The following CADM2 variants were observed in gnomAD, a reference collection of about 807,000 sequenced individuals.
CADM2 encodes the protein immunoglobulin superfamily member 4D.
Under a neutral mutation model 49.8 loss-of-function variants are expected in CADM2, and 12 were observed. The ratio of observed to expected loss-of-function variants is 0.24; its 90% CI spans 0.15 to 0.39. CADM2 has a LOEUF of 0.39. CADM2 is among the 10% of genes least tolerant of loss of function. CADM2 has a pLI of 1.00. For synonymous variants in CADM2, 214 were observed against 175.4 expected (o/e 1.22, Z -1.74); for missense variants, 378 against 492.3 (o/e 0.77, Z 2.20).
intron 1 of CADM2, among the ~76,000 whole-genome samples, chr3:85,256,895 T>A (rs1209601695): frequency 6.6e-6 from 1 of 152,130 alleles, no homozygotes; most frequent in Non-Finnish European, 1.5e-5. Context: ...GAAATGAAGA[T>A]ACATTTGTGT....
At chr3:85,850,022 A>G (rs1193356972) in intron 3 of CADM2, among the ~76,000 whole-genome samples, 1 of 152,204 alleles carries the variant, frequency 6.6e-6, no homozygotes, top group East Asian at 1.9e-4. Context: ...AAAAGGAATG[A>G]AAACTTAGTA....
intron 1 of CADM2, among the ~76,000 whole-genome samples, chr3:85,371,153 T>G (rs2033200106): frequency 6.6e-6 from 1 of 151,922 alleles, no homozygotes. Flanking sequence ...GATAGAAAAT[T>G]TTTTATATAA....
chr3:85,754,075 G>A (rs773489207), intron 2 of CADM2, among the ~76,000 whole-genome samples: 6 of 152,166 alleles, frequency 3.9e-5, no homozygotes, highest in African/African-American at 9.7e-5. Context: ...TGCACGTGTC[G>A]TGTGTTTACT....
At chr3:86,032,414 T>C (rs935040215) in intron 8 of CADM2, among the ~76,000 whole-genome samples, 6 of 151,812 alleles carry the variant, frequency 4.0e-5, no homozygotes, top group Non-Finnish European at 8.9e-5. Flanking sequence ...GGATAAAGGG[T>C]TCTTTTGTGT....
At chr3:85,035,412 A>T (rs4856559) in intron 1 of CADM2, among the ~76,000 whole-genome samples, 1 of 152,006 alleles carries the variant, frequency 6.6e-6, no homozygotes, top group Non-Finnish European at 1.5e-5. Flanking sequence ...CTATGCAGAA[A>T]TTTTTTGACT....
chr3:85,064,475 G>A (rs2107454724), intron 1 of CADM2, among the ~76,000 whole-genome samples: 1 of 152,114 alleles, frequency 6.6e-6, no homozygotes, highest in South Asian at 2.1e-4. Context: ...GGAATCTTGT[G>A]TACATAAAAT....
intron 1 of CADM2, among the ~76,000 whole-genome samples, chr3:85,034,313 A>G (rs887463120): frequency 6.6e-6 from 1 of 150,990 alleles, no homozygotes; most frequent in Non-Finnish European, 1.5e-5. Context: ...TAATGAGTTC[A>G]GTTGTTTTCA....
Position 85,638,272 on chromosome 3 carries a change from A to G in CADM2, c.62-88250A>G, listed in dbSNP as rs79102343. ...TGCATGAATTTCAAAGTACTTTGAA[A>G]GAGTTTTATATTATGAATAAATAAA... On this transcript the variant is annotated intron_variant, in intron 1 of 9. Coordinates refer to ENST00000383699, the MANE Select transcript of CADM2 (RefSeq NM_001167675.2). Among the ~76,000 whole-genome samples the G allele has an allele frequency of 1.4e-3, 218 of 152,306 alleles. 1 individual carries two copies. The highest frequency in any genetic ancestry group is 5.1e-3 in the African/African-American group (210 of 41,572).
intron 2 of CADM2, among the ~76,000 whole-genome samples, chr3:85,783,695 T>A (rs1250683022): frequency 6.6e-6 from 1 of 152,206 alleles, no homozygotes; most frequent in Non-Finnish European, 1.5e-5. Context: ...GTATTATAAA[T>A]TATGAGTTTG....
chr3:85,322,455 C>A, intron 1 of CADM2, among the ~76,000 whole-genome samples: 1 of 152,172 alleles, frequency 6.6e-6, no homozygotes, highest in Admixed American at 6.6e-5. Flanking sequence ...AAGAAATCTA[C>A]ACCTTTGGTG....
chr3:85,576,271 G>C (rs1015746933), intron 1 of CADM2, among the ~76,000 whole-genome samples: 2 of 152,146 alleles, frequency 1.3e-5, no homozygotes, highest in Admixed American at 6.6e-5. Flanking sequence ...AGGCAAGGCT[G>C]CCATCTAGTG....
At chr3:85,651,340 T>A (rs1229943941) in intron 1 of CADM2, among the ~76,000 whole-genome samples, 1 of 152,152 alleles carries the variant, frequency 6.6e-6, no homozygotes, top group Non-Finnish European at 1.5e-5. Flanking sequence ...GCAAGCAAGT[T>A]GCAAATTAGT....
intron 3 of CADM2, among the ~76,000 whole-genome samples, chr3:85,875,308 A>G (rs900329225): frequency 2.0e-5 from 3 of 152,158 alleles, no homozygotes; most frequent in Non-Finnish European, 2.9e-5. Flanking sequence ...ATCCAATAAG[A>G]TTGTATGGAG....
chr3:86,031,277 A>G (rs756161194), intron 8 of CADM2, among the ~76,000 whole-genome samples: 2 of 151,846 alleles, frequency 1.3e-5, no homozygotes, highest in Non-Finnish European at 1.5e-5. Flanking sequence ...TCATATCTTG[A>G]TATCAGCTAA....
intron 1 of CADM2, among the ~76,000 whole-genome samples, chr3:85,641,393 A>G (rs2064707081): frequency 1.3e-5 from 2 of 152,206 alleles, no homozygotes; most frequent in Non-Finnish European, 2.9e-5. Flanking sequence ...GTTGGCTTCC[A>G]GTTCTTAAAT....
intron 1 of CADM2, among the ~76,000 whole-genome samples, chr3:85,712,383 C>A (rs2067144570): frequency 6.6e-6 from 1 of 152,158 alleles, no homozygotes; most frequent in African/African-American, 2.4e-5. Flanking sequence ...GAGTTTTCAT[C>A]TCTCTCTGCC....
At chr3:85,421,652 C>T (rs1406465272) in intron 1 of CADM2, among the ~76,000 whole-genome samples, 1 of 152,182 alleles carries the variant, frequency 6.6e-6, no homozygotes, top group African/African-American at 2.4e-5. Context: ...TACAATTCAG[C>T]ACATTATTTG....
chr3:85,745,401 T>G (rs747621975), intron 2 of CADM2, among the ~76,000 whole-genome samples: 3 of 152,102 alleles, frequency 2.0e-5, no homozygotes, highest in African/African-American at 4.8e-5. Flanking sequence ...AACTTTTCAT[T>G]GTGTTGGAAG....
chr3:84,990,556 G>A (rs2032829704), intron 1 of CADM2, among the ~76,000 whole-genome samples: 1 of 151,842 alleles, frequency 6.6e-6, no homozygotes, highest in African/African-American at 2.4e-5. Flanking sequence ...TTGCCCTTCA[G>A]TGATATAGAA....
Sources: allele counts gnomAD v4.1 joint callset (sites outside exome capture counted in the v4.1 genomes callset), GRCh38; gene constraint gnomAD v4.1.1; transcripts MANE v1.5; gene names NCBI Gene and HGNC (gene_info 2026-07-23, HGNC 2026-07-21).